SEPTIN11: variants seen among roughly 807,000 people sequenced by gnomAD.
SEPTIN11 encodes the protein septin 11, also known as septin-11.
A neutral mutation model predicts 51.4 loss-of-function variants in SEPTIN11; 25 were observed. That is an observed-to-expected ratio of 0.49 (90% confidence interval 0.35 to 0.68). The LOEUF is 0.68. Ranked by LOEUF, SEPTIN11 falls within the 30% of genes least tolerant of loss-of-function variation. The probability of loss-of-function intolerance (pLI) is 0.00; values close to 1 mark genes in which losing one functional copy is unlikely to be tolerated. For synonymous variants in SEPTIN11, 174 were observed against 184.1 expected (o/e 0.95, Z 0.44); for missense variants, 381 against 520.8 (o/e 0.73, Z 2.61).
chr4:76,949,982 T>C (rs1411365807), intron 1 of SEPTIN11, 52 bp downstream of exon 1: 2 of 1,399,748 alleles, frequency 1.4e-6, no homozygotes, highest in East Asian at 3.0e-5. Context: ...TGGTCTCTGC[T>C]CTGGGGCGGG....
intron 1 of SEPTIN11, among the ~76,000 whole-genome samples, chr4:76,962,181 G>A (rs1421721585): frequency 6.6e-6 from 1 of 152,122 alleles, no homozygotes; most frequent in Non-Finnish European, 1.5e-5. Flanking sequence ...TAAACAAACT[G>A]GAAATTATAG....
intron 8 of SEPTIN11, among the ~76,000 whole-genome samples, chr4:77,029,325 A>G (rs1726419786): frequency 6.6e-6 from 1 of 150,886 alleles, no homozygotes; most frequent in South Asian, 2.1e-4. Flanking sequence ...CATTCATCCC[A>G]TTGTATTTGA....
chr4:77,008,368 G>A (rs1724631371), intron 3 of SEPTIN11, among the ~76,000 whole-genome samples: 2 of 152,278 alleles, frequency 1.3e-5, no homozygotes, highest in Middle Eastern at 6.8e-3. Context: ...CCCCTGAGAC[G>A]GAATTTCAAC....
chr4:76,950,813 G>A (rs1040680407), intron 1 of SEPTIN11, among the ~76,000 whole-genome samples: 1 of 151,914 alleles, frequency 6.6e-6, no homozygotes, highest in African/African-American at 2.4e-5. Context: ...GCATCCCCAA[G>A]TGAAAGGCGG....
intron 1 of SEPTIN11, among the ~76,000 whole-genome samples, chr4:76,971,787 TA>T (rs556359779): frequency 2.7e-4 from 41 of 152,246 alleles, no homozygotes; most frequent in African/African-American, 9.1e-4. Flanking sequence ...CACTTTAAAA[TA>T]AAAAAACTTT....
chr4:77,036,003 G>A lies in SEPTIN11; in HGVS notation c.*1491G>A. On this transcript the variant is annotated 3_prime_UTR_variant, in exon 10 of 10. Transcript: ENST00000264893. The stretch of plus-strand genomic sequence containing the variant: ...TTAAGTAAATAGGATAGAATATGCT[G>A]CGTCTCCCCTGACACACACTTTCTT... 1 of 985,860 alleles carries A rather than the reference G, an allele frequency of 1.0e-6. No individual in the cohort carries two copies. Among genetic ancestry groups the A allele is most frequent in the Non-Finnish European group, 1.2e-6 (1 of 829,948 alleles). 61.1% of individuals were successfully genotyped at this position (985,860 alleles called of 1,614,324 possible).
At chr4:77,014,054 C>A (rs1194995557) in intron 4 of SEPTIN11, among the ~76,000 whole-genome samples, 2 of 152,130 alleles carry the variant, frequency 1.3e-5, no homozygotes, top group African/African-American at 4.8e-5. Flanking sequence ...TCCTTGGCTC[C>A]CTTTCTGGGC....
intron 1 of SEPTIN11, among the ~76,000 whole-genome samples, chr4:76,989,567 C>T (rs1723238427): frequency 6.6e-6 from 1 of 152,140 alleles, no homozygotes; most frequent in African/African-American, 2.4e-5. Context: ...GAATAAAATC[C>T]ATCTGGGCAC....
chr4:77,021,676 A>T (rs1725731089), intron 7 of SEPTIN11: 1 of 152,336 alleles, frequency 6.6e-6, no homozygotes, highest in South Asian at 2.1e-4. Flanking sequence ...GGGGAAAAAA[A>T]ACCTGTCTTT....
At chr4:77,012,096 T>TAA (rs1380365280) in intron 4 of SEPTIN11, among the ~76,000 whole-genome samples, 175 bp downstream of exon 4, 1 of 92,652 alleles carries the variant, frequency 1.1e-5, no homozygotes, top group African/African-American at 3.7e-5. Context: ...AAAAATAAAA[T>TAA]AAAACAAAAC....
At chr4:77,023,345 C>T (rs186435478) in intron 7 of SEPTIN11, among the ~76,000 whole-genome samples, 1 of 145,324 alleles carries the variant, frequency 6.9e-6, no homozygotes, top group African/African-American at 2.5e-5. Flanking sequence ...TCATATATTA[C>T]TAATATATGA....
chr4:76,984,320 AT>A lies in SEPTIN11; in HGVS notation c.28-12093del, dbSNP rs879530913. On this transcript the variant is annotated intron_variant, in intron 1 of 9. Transcript: ENST00000264893. This position sits in a 1 kb window ranked among gnomAD's most constrained non-coding sequence, Gnocchi z 4.1. ...CATGACTTGCTTGGAACTGGATTGG[AT>A]TTTTTTTTTTTCTTCTCTCACAGAG... is the stretch of plus-strand genomic sequence containing the variant. Among the ~76,000 whole-genome samples the A allele has an allele frequency of 4.3e-4, 63 of 145,866 alleles. No individual in the cohort carries two copies. Among genetic ancestry groups the A allele is most frequent in the Middle Eastern group, 3.5e-3 (1 of 284 alleles).
At chr4:76,963,583 T>C (rs1283647640) in intron 1 of SEPTIN11, among the ~76,000 whole-genome samples, 2 of 152,242 alleles carry the variant, frequency 1.3e-5, no homozygotes, top group African/African-American at 4.8e-5. Flanking sequence ...CACTATTGCA[T>C]AGTTGCCATC....
At chr4:76,950,653 GGGAGGGAGGAGAGTA>G (rs1161301149) in intron 1 of SEPTIN11, among the ~76,000 whole-genome samples, 1 of 152,144 alleles carries the variant, frequency 6.6e-6, no homozygotes, top group East Asian at 1.9e-4. Context: ...GCCCCACGGC[GGGAGGGAGGAGAGTA>G]GGAGGGAGGA....
intron 3 of SEPTIN11, among the ~76,000 whole-genome samples, chr4:77,007,705 T>C (rs1287802928): frequency 6.6e-6 from 1 of 152,192 alleles, no homozygotes; most frequent in African/African-American, 2.4e-5. Flanking sequence ...CCAAATATTT[T>C]TTTTCCTCTG....
intron 1 of SEPTIN11, among the ~76,000 whole-genome samples, chr4:76,983,870 T>TG (rs1182938304): frequency 1.3e-5 from 2 of 151,992 alleles, no homozygotes. Context: ...TAGCTGGGCG[T>TG]GGTGGCAGGT....
chr4:77,008,584 A>G lies in SEPTIN11; in HGVS notation c.338+2788A>G, dbSNP rs182160707. Among the ~76,000 whole-genome samples, 408 of 152,322 alleles carry G rather than the reference A, an allele frequency of 2.7e-3. 1 individual carries two copies. Among genetic ancestry groups the G allele is most frequent in the African/African-American group, 9.3e-3 (386 of 41,574 alleles). The stretch of plus-strand genomic sequence containing the variant: ...CAGTCCCTGAATGATGGCATTGGCC[A>G]TTTTGCAAGAATGATCAGTGGGTAG... On this transcript the variant is annotated intron_variant, in intron 3 of 9. Transcript: ENST00000264893.
At chr4:76,964,515 G>T (rs923912664) in intron 1 of SEPTIN11, among the ~76,000 whole-genome samples, 1 of 151,988 alleles carries the variant, frequency 6.6e-6, no homozygotes, top group African/African-American at 2.4e-5. Flanking sequence ...GCAGTGAAAG[G>T]GATCAAGGAG....
chr4:76,950,034 CGCG>C (rs141562324), intron 1 of SEPTIN11, 104 bp downstream of exon 1: 9 of 1,104,498 alleles, frequency 8.1e-6, no homozygotes, highest in South Asian at 4.5e-5. Context: ...TGCTCGGCCC[CGCG>C]GCGGCGGCGA....
Sources: gnomAD v4.1 joint callset for allele counts (sites outside exome capture counted in the v4.1 genomes callset) on GRCh38, gnomAD v4.1.1 for gene constraint, Gnocchi (gnomAD v3.1) non-coding constraint, MANE v1.5 for transcripts, NCBI Gene and HGNC (gene_info 2026-07-23, HGNC 2026-07-21) for gene names.